The following RAB28 variants were observed in gnomAD, a reference collection of about 807,000 sequenced individuals.
The protein encoded by RAB28 is ras-related protein Rab-28.
In RAB28, 24 loss-of-function variants were observed where a neutral mutation model predicts 31.7. That is an observed-to-expected ratio of 0.76 (90% CI 0.55 to 1.06). The LOEUF is 1.06. Ranked by LOEUF, RAB28 falls within the 50% of genes least tolerant of loss-of-function variation. RAB28 has a pLI of 0.00. For synonymous variants in RAB28, 100 were observed against 90.4 expected, an observed-to-expected ratio of 1.11 and a Z score of -0.60; for missense variants, 254 against 258.5, an observed-to-expected ratio of 0.98 and a Z score of 0.12.
At chr4:13,415,763 G>A (rs1045487759) in intron 4 of RAB28, among the ~76,000 whole-genome samples, 8 of 152,168 alleles carry the variant, frequency 5.3e-5, no homozygotes, top group South Asian at 2.1e-4. Context: ...AGGCTGAGGC[G>A]TGCGGGCGCA....
chr4:13,464,041 A>G (rs1412866423), intron 3 of RAB28, among the ~76,000 whole-genome samples: 3 of 152,124 alleles, frequency 2.0e-5, no homozygotes, highest in Non-Finnish European at 4.4e-5. Flanking sequence ...AACAAATCCA[A>G]AAAGTTACAG....
chr4:13,428,194 C>T (rs892374585), intron 4 of RAB28, among the ~76,000 whole-genome samples: 3 of 152,248 alleles, frequency 2.0e-5, no homozygotes, highest in African/African-American at 7.2e-5. Context: ...GCCGGGCTGT[C>T]TGCCTGTGGA....
At chr4:13,476,989 C>G (rs1274787586) in intron 2 of RAB28, among the ~76,000 whole-genome samples, 1 of 151,346 alleles carries the variant, frequency 6.6e-6, no homozygotes, top group African/African-American at 2.4e-5. Flanking sequence ...CCTTGGTTAA[C>G]CTTACTTAAA....
chr4:13,452,123 T>G (rs1426529954), intron 4 of RAB28, among the ~76,000 whole-genome samples: 2 of 152,100 alleles, frequency 1.3e-5, no homozygotes, highest in Admixed American at 1.3e-4. Flanking sequence ...CTATGGTATC[T>G]ATTGTGACAT....
At chr4:13,470,271 G>C (rs1716059477) in intron 3 of RAB28, among the ~76,000 whole-genome samples, 1 of 152,052 alleles carries the variant, frequency 6.6e-6, no homozygotes, top group African/African-American at 2.4e-5. Flanking sequence ...CATAGATCTT[G>C]CTTTATAAGT....
intron 3 of RAB28, among the ~76,000 whole-genome samples, chr4:13,461,705 A>T (rs190688913): frequency 3.0e-4 from 45 of 152,314 alleles, no homozygotes; most frequent in Admixed American, 1.8e-3. Context: ...ATATATGCAC[A>T]CAGAAATAAC....
intron 4 of RAB28, among the ~76,000 whole-genome samples, chr4:13,441,208 C>T (rs1323133265): frequency 6.6e-6 from 1 of 152,134 alleles, no homozygotes; most frequent in Non-Finnish European, 1.5e-5. Context: ...ATAAAGTTTG[C>T]TACGCCCTTG....
chr4:13,374,799 T>C (rs1305659788), intron 6 of RAB28, among the ~76,000 whole-genome samples: 1 of 152,064 alleles, frequency 6.6e-6, no homozygotes, highest in Non-Finnish European at 1.5e-5. Flanking sequence ...CAACGACATA[T>C]AAAAATATCC....
intron 4 of RAB28, among the ~76,000 whole-genome samples, chr4:13,403,308 G>A (rs543094388): frequency 6.6e-6 from 1 of 152,098 alleles, no homozygotes; most frequent in African/African-American, 2.4e-5. Flanking sequence ...AGCATTCTTA[G>A]ATAGCAGGTC....
At chr4:13,386,519 GATC>G (rs1358316659) in intron 4 of RAB28, among the ~76,000 whole-genome samples, 25 of 151,972 alleles carry the variant, frequency 1.6e-4, no homozygotes, top group African/African-American at 6.0e-4. Context: ...CAACATCACT[GATC>G]ATTAGAGAAA....
In RAB28 at chr4:13,368,369, A is replaced by C; in HGVS notation, c.*189T>G. 2.4e-6 allele frequency: 3 copies of C among 1,232,270 alleles called. No homozygotes were observed. Among genetic ancestry groups the C allele is most frequent in the Non-Finnish European group, 3.0e-6 (3 of 986,786 alleles). The allele number at this position is 1,232,270 out of a possible 1,614,324, so 76.3% of individuals were successfully genotyped here. A position where few individuals can be genotyped will look rare whatever the true frequency, so the allele number is the denominator to read the frequency against. ...TTTTGAATTCAAAGTGTGTGGTCCC[A>C]AAGTTGAATTCTTTCAAATCCAAGG... On this transcript the variant is annotated 3_prime_UTR_variant, in exon 7 of 7. Transcript: ENST00000330852.
At chr4:13,451,389 TG>T (rs1051643126) in intron 4 of RAB28, among the ~76,000 whole-genome samples, 3 of 149,506 alleles carry the variant, frequency 2.0e-5, no homozygotes, top group East Asian at 1.9e-4. Flanking sequence ...ATTAGGTTTT[TG>T]GGGTGGGTTT....
In RAB28 at chr4:13,480,200, A is replaced by G. The variant is rs1716547760; in HGVS notation, c.76-674T>C. On this transcript the variant is annotated intron_variant, in intron 1 of 6. Coordinates refer to ENST00000330852, the MANE Select transcript of RAB28 (RefSeq NM_001017979.3). The stretch of plus-strand genomic sequence containing the variant: ...GCTATCATAACCAGAACAGATATAC[A>G]TTTGTTTTTTAATAGAAACTGAAAG... Among the ~76,000 whole-genome samples, 8 of 151,844 alleles carry G rather than the reference A, an allele frequency of 5.3e-5. No individual in the cohort carries two copies. The South Asian group carries it at 1.7e-3, about 31-fold the overall frequency.
intron 4 of RAB28, among the ~76,000 whole-genome samples, chr4:13,421,364 C>G (rs891600163): frequency 6.6e-6 from 1 of 152,166 alleles, no homozygotes; most frequent in African/African-American, 2.4e-5. Context: ...CCATCCCCAT[C>G]AAGCTACTAA....
intron 4 of RAB28, among the ~76,000 whole-genome samples, chr4:13,409,134 T>C (rs1476495586): frequency 6.6e-6 from 1 of 152,152 alleles, no homozygotes; most frequent in Non-Finnish European, 1.5e-5. Context: ...TGACATTAAT[T>C]AACCAGTATG....
chr4:13,420,525 C>T (rs369329174), intron 4 of RAB28, among the ~76,000 whole-genome samples: 53 of 152,138 alleles, frequency 3.5e-4, no homozygotes, highest in African/African-American at 8.0e-4. Flanking sequence ...ACTGGCAAAC[C>T]GAATCCAGCA....
intron 4 of RAB28, among the ~76,000 whole-genome samples, chr4:13,426,323 A>G (rs1207487876): frequency 6.6e-6 from 1 of 152,162 alleles, no homozygotes. Flanking sequence ...AGCTTCACAT[A>G]CTAATGAGGA....
intron 1 of RAB28, among the ~76,000 whole-genome samples, chr4:13,480,963 A>G (rs1716580298): frequency 2.0e-5 from 3 of 151,998 alleles, no homozygotes; most frequent in Admixed American, 2.0e-4. Flanking sequence ...AGAAAAAAAT[A>G]ACTATCACTA....
At chr4:13,428,183 C>G (rs1170159983) in intron 4 of RAB28, among the ~76,000 whole-genome samples, 1 of 152,220 alleles carries the variant, frequency 6.6e-6, no homozygotes, top group African/African-American at 2.4e-5. Context: ...CAGGGCGCGC[C>G]GCCGGGCTGT....
Sources: allele counts gnomAD v4.1 joint callset (sites outside exome capture counted in the v4.1 genomes callset), GRCh38; gene constraint gnomAD v4.1.1; transcripts MANE v1.5; gene names NCBI Gene and HGNC (gene_info 2026-07-23, HGNC 2026-07-21).